The following SFMBT1 variants were observed in gnomAD, a reference collection of about 807,000 sequenced individuals.
SFMBT1 encodes the protein scm-like with four MBT domains protein 1.
In SFMBT1, 32 loss-of-function variants were observed where a neutral mutation model predicts 108.7. The observed-to-expected ratio is 0.29, with a 90% confidence interval of 0.22 to 0.40. SFMBT1 has a LOEUF of 0.40. Among genes scored for constraint, SFMBT1 ranks in the 10% least tolerant of loss-of-function variants. SFMBT1 has a pLI of 1.00. For missense variants in SFMBT1, 816 were observed against 1,059.6 expected, an observed-to-expected ratio of 0.77 and a Z score of 3.19; for synonymous variants, 348 against 369.5, an observed-to-expected ratio of 0.94 and a Z score of 0.67.
chr3:53,045,480 G>A (rs1380128946), intron 1 of SFMBT1, among the ~76,000 whole-genome samples: 3 of 144,134 alleles, frequency 2.1e-5, no homozygotes, highest in Admixed American at 6.8e-5. Context: ...GCGGGCTGAC[G>A]CGCGCCGCGC....
intron 4 of SFMBT1, among the ~76,000 whole-genome samples, chr3:52,938,240 T>C (rs1247257020): frequency 2.6e-5 from 4 of 152,238 alleles, no homozygotes; most frequent in Admixed American, 2.6e-4. Flanking sequence ...GCAATCTGAA[T>C]TTATTTGTTT....
chr3:53,021,012 C>T (rs1318517986), intron 1 of SFMBT1, among the ~76,000 whole-genome samples: 5 of 152,116 alleles, frequency 3.3e-5, no homozygotes, highest in Admixed American at 6.5e-5. Context: ...GAGCTGAGAT[C>T]GCGCCACTGC....
intron 1 of SFMBT1, among the ~76,000 whole-genome samples, chr3:52,975,459 C>T (rs1257740257): frequency 1.3e-5 from 2 of 152,038 alleles, no homozygotes; most frequent in African/African-American, 2.4e-5. Context: ...GAAGGCAAGG[C>T]GGGAGGATAG....
At chr3:53,024,740 AGTCAGGGGCCG>A (rs1699429789) in intron 1 of SFMBT1, among the ~76,000 whole-genome samples, 1 of 152,234 alleles carries the variant, frequency 6.6e-6, no homozygotes, top group Admixed American at 6.5e-5. Context: ...GGCCTTAAAA[AGTCAGGGGCCG>A]GTCCAACAAT....
intron 3 of SFMBT1, among the ~76,000 whole-genome samples, chr3:52,947,265 C>A (rs550127943): frequency 2.6e-5 from 4 of 151,924 alleles, no homozygotes; most frequent in African/African-American, 9.7e-5. Context: ...CTACAGATAC[C>A]CGCCACCAAG....
chr3:52,927,266 T>C (rs1380970999), intron 9 of SFMBT1, among the ~76,000 whole-genome samples: 1 of 152,154 alleles, frequency 6.6e-6, no homozygotes, highest in South Asian at 2.1e-4. Context: ...AGGGACCGAG[T>C]TGTACTCATT....
chr3:52,991,637 C>G (rs1705136131), intron 1 of SFMBT1, among the ~76,000 whole-genome samples: 1 of 152,154 alleles, frequency 6.6e-6, no homozygotes. Flanking sequence ...AGCCACCTCG[C>G]CCAGCCTGCA....
intron 8 of SFMBT1, 29 bp from the exon 9 acceptor site, chr3:52,928,370 A>G (rs1702724378): frequency 1.2e-6 from 2 of 1,606,974 alleles, no homozygotes; most frequent in Non-Finnish European, 8.5e-7. Flanking sequence ...GATGAAATAG[A>G]CAAATGCACA....
chr3:52,904,352 A>C lies in SFMBT1; in HGVS notation c.*784T>G, dbSNP rs995600190. 3 of 152,258 alleles carry C rather than the reference A, an allele frequency of 2.0e-5. No homozygotes were observed. The highest frequency in any genetic ancestry group is 7.2e-5 in the African/African-American group (3 of 41,468). The allele number at this position is 152,258 out of a possible 1,614,324, so 9.4% of individuals were successfully genotyped here. On this transcript the variant is annotated 3_prime_UTR_variant, in exon 21 of 21. Transcript: ENST00000394752. ...GGTCAAGATGGAGAACAGTAACAGT[A>C]GAGTTCTCAGATCAGGTCAGTTAAG...
At chr3:52,929,929 C>CT (rs1451099659) in intron 8 of SFMBT1, among the ~76,000 whole-genome samples, 1 of 152,218 alleles carries the variant, frequency 6.6e-6, no homozygotes, top group Non-Finnish European at 1.5e-5. Flanking sequence ...ACTTTTAACA[C>CT]TAACTGCCTG....
chr3:52,950,094 A>G (rs776029205), intron 3 of SFMBT1, among the ~76,000 whole-genome samples: 5 of 152,222 alleles, frequency 3.3e-5, no homozygotes, highest in Admixed American at 6.5e-5. Context: ...ACTGACATTC[A>G]AAGTGATTAC....
intron 2 of SFMBT1, among the ~76,000 whole-genome samples, chr3:52,963,605 C>T (rs1274601420): frequency 6.6e-6 from 1 of 151,880 alleles, no homozygotes; most frequent in Non-Finnish European, 1.5e-5. Context: ...CATGCCACTG[C>T]ACCTGGCTAA....
intron 1 of SFMBT1, among the ~76,000 whole-genome samples, chr3:52,981,004 A>C (rs1258803735): frequency 1.3e-5 from 2 of 152,140 alleles, no homozygotes; most frequent in East Asian, 3.9e-4. Context: ...CTCTACTAAA[A>C]ATACAAAATT....
rs147946995 is a variant in SFMBT1, at chr3:52,929,261, C to T, written c.898-920G>A. 6.6e-5 allele frequency among the ~76,000 whole-genome samples: 10 copies of T among 151,954 alleles called. No individual in the cohort carries two copies. In the East Asian group the frequency reaches 7.8e-4, roughly 12 times the overall value. The stretch of plus-strand genomic sequence containing the variant: ...CTTTATTTATTTATTTATTTAGAGA[C>T]GGAGTTTCGCTCTTGTTGCCCAGGC... On this transcript the variant is annotated intron_variant, in intron 8 of 20. Transcript: ENST00000394752.
rs1400221984 is a variant in SFMBT1 at position 52,905,205 on chromosome 3, G to A, written c.2532C>T (p.Gly844=). ...TGTGATGGCAAAGTTTGATGGCAGG[G>A]CCCAATTTTAAGTCCATGCATTCTT... ...TVQECMDLKL[G]PAIKLCHHIE... The change falls in exon 21 of 21, where the codon GGC becomes GGT. Residue 844 remains glycine, a synonymous_variant. Coordinates refer to ENST00000394752, the MANE Select transcript of SFMBT1 (RefSeq NM_016329.4). The A allele has an allele frequency of 3.1e-6, 5 of 1,614,000 alleles. No individual in the cohort carries two copies. The South Asian group carries it at 4.4e-5, about 14-fold the overall frequency.
chr3:53,009,640 T>C (rs1330373226), intron 1 of SFMBT1, among the ~76,000 whole-genome samples: 1 of 152,074 alleles, frequency 6.6e-6, no homozygotes, highest in East Asian at 1.9e-4. Flanking sequence ...AACACAGGCG[T>C]CAGGATTACC....
At chr3:53,020,991 G>A (rs1046710387) in intron 1 of SFMBT1, among the ~76,000 whole-genome samples, 2 of 152,194 alleles carry the variant, frequency 1.3e-5, no homozygotes, top group South Asian at 2.1e-4. Flanking sequence ...CCAGGAAGCA[G>A]AGGTTGCAGT....
intron 6 of SFMBT1, 121 bp downstream of exon 6, chr3:52,931,941 G>T: frequency 8.9e-7 from 1 of 1,120,044 alleles, no homozygotes; most frequent in Non-Finnish European, 1.2e-6. Context: ...TTTTGTAATA[G>T]CTCTATTATG....
intron 2 of SFMBT1, among the ~76,000 whole-genome samples, chr3:52,968,227 A>G (rs1296105638): frequency 1.3e-5 from 2 of 152,214 alleles, no homozygotes; most frequent in Non-Finnish European, 2.9e-5. Context: ...TCTTTAAATG[A>G]CAAAATTACA....
Sources: gnomAD v4.1 joint callset for allele counts (sites outside exome capture counted in the v4.1 genomes callset) on GRCh38, gnomAD v4.1.1 for gene constraint, MANE v1.5 for transcripts, NCBI Gene and HGNC (gene_info 2026-07-23, HGNC 2026-07-21) for gene names.